Variants in TENM2 observed in about 807,000 individuals in gnomAD.
The protein encoded by TENM2 is teneurin-2.
A neutral mutation model predicts 245.2 loss-of-function variants in TENM2; 52 were observed. The ratio of observed to expected loss-of-function variants is 0.21; its 90% confidence interval spans 0.17 to 0.27. TENM2 has a LOEUF of 0.27. TENM2 is among the 10% of genes least tolerant of loss of function. TENM2 has a pLI of 1.00. For synonymous variants in TENM2, 1,363 were observed against 1,438.9 expected (o/e 0.95, Z 1.19); for missense variants, 3,046 against 3,666.8 (o/e 0.83, Z 4.37).
chr5:167,354,057 C>T (rs1293712641), intron 1 of TENM2, among the ~76,000 whole-genome samples: 1 of 152,210 alleles, frequency 6.6e-6, no homozygotes, highest in Admixed American at 6.5e-5. Context: ...TCTCTGCTTT[C>T]AGTCTAACTG....
intron 13 of TENM2, among the ~76,000 whole-genome samples, chr5:168,170,533 AGGAG>A (rs962214799): frequency 2.6e-5 from 4 of 152,108 alleles, no homozygotes; most frequent in African/African-American, 9.7e-5. Flanking sequence ...AGAGAAAGAC[AGGAG>A]GGAGGGAGGA....
chr5:167,853,489 G>A, intron 2 of TENM2, among the ~76,000 whole-genome samples: 1 of 151,888 alleles, frequency 6.6e-6, no homozygotes, highest in Non-Finnish European at 1.5e-5. Context: ...TTTTAATCGA[G>A]GCTCAGTTTG....
chr5:167,733,707 G>T (rs914822921), intron 2 of TENM2, among the ~76,000 whole-genome samples: 4 of 152,142 alleles, frequency 2.6e-5, no homozygotes, highest in Admixed American at 1.3e-4. Context: ...TAAACGGAAG[G>T]GCCCCTTAGG....
the TENM2 span, among the ~76,000 whole-genome samples, chr5:167,135,648 G>A: frequency 1.2e-4 from 18 of 152,096 alleles, no homozygotes; most frequent in Admixed American, 9.2e-4. Flanking sequence ...TGGGTGGCGC[G>A]CACCTGTAGT....
the TENM2 span, among the ~76,000 whole-genome samples, chr5:167,214,340 A>G: frequency 1.3e-5 from 2 of 152,198 alleles, no homozygotes; most frequent in Admixed American, 6.5e-5. Context: ...CCTATAACAT[A>G]CCATGGAAGG....
At chr5:168,027,662 G>A (rs969905723) in intron 5 of TENM2, among the ~76,000 whole-genome samples, 3 of 152,186 alleles carry the variant, frequency 2.0e-5, no homozygotes, top group Non-Finnish European at 2.9e-5. Context: ...CTAAAGAAAA[G>A]TCAAGTTGAA....
At chr5:167,762,798 CA>C (rs1204009346) in intron 2 of TENM2, among the ~76,000 whole-genome samples, 14 of 152,202 alleles carry the variant, frequency 9.2e-5, no homozygotes, top group Non-Finnish European at 1.6e-4. Flanking sequence ...ATAGAGGTTG[CA>C]AGGCAATCAG....
chr5:168,006,378 A>G (rs566567262), intron 5 of TENM2, among the ~76,000 whole-genome samples: 42 of 152,316 alleles, frequency 2.8e-4, no homozygotes, highest in African/African-American at 1.0e-3. Context: ...TCTTGACTGA[A>G]GGTTTTCCAC....
intron 23 of TENM2, among the ~76,000 whole-genome samples, chr5:168,223,817 A>T (rs1034858769): frequency 1.3e-5 from 2 of 152,124 alleles, no homozygotes; most frequent in African/African-American, 4.8e-5. Context: ...AAGAAAATGA[A>T]GATTCGTCAA....
chr5:168,237,000 ATTTTTTTTTTTTTTTT>A (rs1167021328), intron 25 of TENM2, among the ~76,000 whole-genome samples: 6 of 6,314 alleles, frequency 9.5e-4, no homozygotes, highest in Non-Finnish European at 9.3e-4. Flanking sequence ...ATATATATAT[ATTTTTTTTTTTTTTTT>A]TTTTTTTTTT....
intron 2 of TENM2, among the ~76,000 whole-genome samples, chr5:167,644,653 C>T (rs1195496502): frequency 6.6e-6 from 1 of 152,142 alleles, no homozygotes; most frequent in Non-Finnish European, 1.5e-5. Flanking sequence ...CAAACTGAGG[C>T]TCAAAGAGGT....
At chr5:167,678,917 A>C (rs192095440) in intron 2 of TENM2, among the ~76,000 whole-genome samples, 19 of 152,272 alleles carry the variant, frequency 1.2e-4, no homozygotes, top group Admixed American at 2.6e-4. Flanking sequence ...CTTTAGGAAA[A>C]CTAAAATTTA....
At chr5:167,634,979 C>T (rs1159767303) in intron 2 of TENM2, among the ~76,000 whole-genome samples, 5 of 152,212 alleles carry the variant, frequency 3.3e-5, no homozygotes, top group African/African-American at 1.2e-4. Context: ...ATCATCAGAA[C>T]GTTATGAGAT....
chr5:167,693,831 T>C lies in TENM2; in HGVS notation c.503-182155T>C, dbSNP rs1757588226. On this transcript the variant is annotated intron_variant, in intron 2 of 28. Transcript: ENST00000518659. The stretch of plus-strand genomic sequence containing the variant: ...ACTGCCTTGCCTAGCATGTTCAAGA[T>C]GTTGTAGTGCCACCATCACTGTATA... 2.6e-5 allele frequency among the ~76,000 whole-genome samples: 4 copies of C among 152,186 alleles called. No individual in the cohort carries two copies. In the South Asian group the frequency reaches 8.3e-4, roughly 31 times the overall value.
intron 22 of TENM2, 88 bp downstream of exon 24, chr5:168,217,010 G>T (rs1246805738): frequency 1.4e-6 from 2 of 1,425,764 alleles, no homozygotes; most frequent in Non-Finnish European, 1.9e-6. Flanking sequence ...TTTGGAAGTG[G>T]AATGGGAGGG....
intron 2 of TENM2, among the ~76,000 whole-genome samples, chr5:167,739,696 A>C (rs141917761): frequency 6.6e-6 from 1 of 152,322 alleles, no homozygotes; most frequent in East Asian, 1.9e-4. Flanking sequence ...GTCAAACCCT[A>C]GTTCCCCTGC....
intron 5 of TENM2, among the ~76,000 whole-genome samples, chr5:168,031,425 A>G (rs1787132083): frequency 1.3e-5 from 2 of 152,218 alleles, no homozygotes; most frequent in Non-Finnish European, 2.9e-5. Flanking sequence ...CAGACAGACC[A>G]TATTCCTTCT....
At chr5:167,353,561 G>T (rs1759099407) in intron 1 of TENM2, among the ~76,000 whole-genome samples, 1 of 122,674 alleles carries the variant, frequency 8.2e-6, no homozygotes, top group South Asian at 3.0e-4. Flanking sequence ...AGGCTGGAGT[G>T]CAGTGGCGGG....
At chr5:167,388,900 TA>T (rs1414880827) in intron 2 of TENM2, among the ~76,000 whole-genome samples, 1 of 152,012 alleles carries the variant, frequency 6.6e-6, no homozygotes, top group African/African-American at 2.4e-5. Flanking sequence ...TCTAACTTTT[TA>T]AAGATGAGTA....
Sources: allele counts gnomAD v4.1 joint callset (sites outside exome capture counted in the v4.1 genomes callset), GRCh38; gene constraint gnomAD v4.1.1; transcripts MANE v1.5; gene names NCBI Gene and HGNC (gene_info 2026-07-23, HGNC 2026-07-21).